PDZRN3: variants seen among roughly 807,000 people sequenced by gnomAD.
PDZRN3 encodes the protein E3 ubiquitin-protein ligase PDZRN3.
Under a neutral mutation model 85.7 loss-of-function variants are expected in PDZRN3, and 38 were observed. The ratio of observed to expected loss-of-function variants is 0.44; its 90% CI spans 0.34 to 0.58. PDZRN3 has a LOEUF of 0.58. Among genes scored for constraint, PDZRN3 ranks in the 20% least tolerant of loss-of-function variants. PDZRN3 has a pLI of 0.01. For missense variants in PDZRN3, 1,629 were observed against 1,506.4 expected (o/e 1.08, Z -1.35); for synonymous variants, 759 against 638.0 (o/e 1.19, Z -2.86).
At chr3:73,487,897 A>G (rs1475598375) in intron 3 of PDZRN3, among the ~76,000 whole-genome samples, 1 of 152,186 alleles carries the variant, frequency 6.6e-6, no homozygotes, top group African/African-American at 2.4e-5. Context: ...ACTCCCAGAA[A>G]CATCACCTAA....
intron 4 of PDZRN3, among the ~76,000 whole-genome samples, chr3:73,403,032 C>G (rs922345719): frequency 1.3e-5 from 2 of 151,280 alleles, no homozygotes; most frequent in Non-Finnish European, 2.9e-5. Flanking sequence ...CAAGCTCCGC[C>G]TCCCGGGTTC....
At position 73,602,456 on chromosome 3, in the gene PDZRN3, G is replaced by A; in HGVS notation, c.816C>T (p.Asn272=). 1 of 1,493,974 alleles carries A rather than the reference G, an allele frequency of 6.7e-7. No individual in the cohort carries two copies. The highest frequency in any genetic ancestry group is 9.0e-7 in the Non-Finnish European group (1 of 1,113,034). 92.5% of individuals were successfully genotyped at this position (1,493,974 alleles called of 1,614,324 possible). Residue 272 remains asparagine (N), a synonymous_variant, in exon 3 of 10, where the codon AAC becomes AAT. Coordinates refer to ENST00000263666, the MANE Select transcript of PDZRN3 (RefSeq NM_015009.3). ...NIIGGRPSVD[N]HDGSSSEGIF... ...TTCCTTCACTGGATGATCCATCGTGGTTATCCTTTGGGTTAAAAAAAAAAA... is the reference window on the plus strand; with the variant it reads ...TTCCTTCACTGGATGATCCATCGTGATTATCCTTTGGGTTAAAAAAAAAAA...
intron 3 of PDZRN3, among the ~76,000 whole-genome samples, chr3:73,579,266 C>A (rs985372002): frequency 6.6e-6 from 1 of 152,194 alleles, no homozygotes; most frequent in Non-Finnish European, 1.5e-5. Context: ...ATGTCAGCAC[C>A]TTGACCTTGA....
At chr3:73,462,807 T>C (rs1360098612) in intron 3 of PDZRN3, among the ~76,000 whole-genome samples, 1 of 152,148 alleles carries the variant, frequency 6.6e-6, no homozygotes, top group East Asian at 1.9e-4. Flanking sequence ...TTGCACACAT[T>C]AGCACATTTA....
intron 5 of PDZRN3, among the ~76,000 whole-genome samples, chr3:73,394,644 A>C (rs1701599929): frequency 6.6e-6 from 1 of 152,234 alleles, no homozygotes. Context: ...TGGATGTGAG[A>C]CAGGATGGTG....
intron 3 of PDZRN3, chr3:73,433,927 T>G: frequency 7.1e-7 from 1 of 1,417,238 alleles, no homozygotes; most frequent in Non-Finnish European, 9.2e-7. Flanking sequence ...TGCACGCGCG[T>G]GCACACACAC....
intron 3 of PDZRN3, among the ~76,000 whole-genome samples, chr3:73,564,374 T>C (rs980664826): frequency 6.6e-6 from 1 of 152,198 alleles, no homozygotes; most frequent in Admixed American, 6.5e-5. Context: ...CTGACAGCCA[T>C]GTGGCCTCAA....
chr3:73,426,793 G>A (rs950493457), intron 3 of PDZRN3, among the ~76,000 whole-genome samples: 29 of 152,056 alleles, frequency 1.9e-4, no homozygotes, highest in Admixed American at 3.3e-4. Flanking sequence ...GCTCTGGGGC[G>A]GGGCCTGAGA....
intron 3 of PDZRN3, among the ~76,000 whole-genome samples, chr3:73,439,750 A>AT (rs1056291907): frequency 6.6e-4 from 100 of 151,906 alleles, no homozygotes; most frequent in African/African-American, 2.3e-3. Context: ...ATTTTATTTT[A>AT]TTTTTTGAAA....
Position 73,388,083 on chromosome 3 carries a change from A to AAAT in PDZRN3, c.1417-15_1417-14insATT. The AAAT allele has an allele frequency of 1.1e-6, 1 of 908,180 alleles. No homozygotes were observed. Among genetic ancestry groups the AAAT allele is most frequent in the Non-Finnish European group, 1.7e-6 (1 of 588,938 alleles). 56.3% of individuals were successfully genotyped at this position (908,180 alleles called of 1,614,324 possible). On this transcript the variant is annotated splice_polypyrimidine_tract_variant and intron_variant, in intron 7 of 9. Coordinates refer to ENST00000263666, the MANE Select transcript of PDZRN3 (RefSeq NM_015009.3). ...TATCCCATTAATCTTTTAAAAAAAA[A>AAAT]GGGGGGGTGGGGAGAGTGGGGAGAC...
chr3:73,522,004 T>C (rs1341577254), intron 3 of PDZRN3, among the ~76,000 whole-genome samples: 2 of 152,210 alleles, frequency 1.3e-5, no homozygotes, highest in Non-Finnish European at 2.9e-5. Flanking sequence ...TTATAAGCTT[T>C]TCAGTGGTTG....
chr3:73,396,099 T>C (rs1170353040), intron 5 of PDZRN3, among the ~76,000 whole-genome samples: 2 of 152,150 alleles, frequency 1.3e-5, no homozygotes, highest in Non-Finnish European at 2.9e-5. Context: ...GGCACATACC[T>C]GTAATCCCAG....
In PDZRN3 at chr3:73,385,658, G is replaced by T; in HGVS notation, c.1635+11C>A. The stretch of plus-strand genomic sequence containing the variant: ...AGGGCAGAGTGTCAGGGACTGGTGC[G>T]TGGGCGTTACCTGCTGCAGCACGCT... On this transcript the variant is annotated intron_variant, in intron 9 of 9. Transcript: ENST00000263666. 2 of 1,522,672 alleles carry T rather than the reference G, an allele frequency of 1.3e-6. No homozygotes were observed. The highest frequency in any genetic ancestry group is 1.8e-6 in the Non-Finnish European group (2 of 1,098,064). The allele number at this position is 1,522,672 out of a possible 1,614,324, so 94.3% of individuals were successfully genotyped here. A position where few individuals can be genotyped will look rare whatever the true frequency, so the allele number is the denominator to read the frequency against.
intron 3 of PDZRN3, among the ~76,000 whole-genome samples, chr3:73,573,290 A>G (rs1702069865): frequency 6.6e-6 from 1 of 152,208 alleles, no homozygotes; most frequent in South Asian, 2.1e-4. Context: ...TTCTTGTTAC[A>G]GACTGTAGCA....
Position 73,383,460 on chromosome 3 carries a change from T to C in PDZRN3, c.3106A>G (p.Asn1036Asp). 1 of 1,614,186 alleles carries C rather than the reference T, an allele frequency of 6.2e-7. No homozygotes were observed. The highest frequency in any genetic ancestry group is 8.5e-7 in the Non-Finnish European group (1 of 1,180,032). ...MKKRNKKIFD[N>D]WMTIQELLTH... ...AAGAGTTCTTGGATCGTCATCCAGT[T>C]ATCGAAGATTTTCTTATTCCTCTTC... Residue 1036 changes from asparagine to aspartate, a missense_variant, in exon 10 of 10, where the codon AAC becomes GAC. Physicochemically the swap from Asn to Asp is conservative, Grantham distance 23 (BLOSUM62 1). Transcript: ENST00000263666.
chr3:73,424,392 A>AAAAAAAAAAAAAC (rs1702266380), intron 3 of PDZRN3, among the ~76,000 whole-genome samples: 1 of 141,950 alleles, frequency 7.0e-6, no homozygotes, highest in African/African-American at 2.8e-5. Context: ...AAAAAAAAAA[A>AAAAAAAAAAAAAC]TAGCTGAGTG....
intron 3 of PDZRN3, among the ~76,000 whole-genome samples, chr3:73,453,716 C>T (rs1179503686): frequency 2.6e-5 from 4 of 152,156 alleles, no homozygotes; most frequent in Admixed American, 1.3e-4. Context: ...CCAAAGAGAA[C>T]GCTTAATTCC....
At chr3:73,419,175 A>G (rs1702149515) in intron 3 of PDZRN3, among the ~76,000 whole-genome samples, 1 of 152,174 alleles carries the variant, frequency 6.6e-6, no homozygotes, top group African/African-American at 2.4e-5. Flanking sequence ...TCCAAACAAA[A>G]CACTTGATAA....
At chr3:73,560,734 T>C (rs1379616867) in intron 3 of PDZRN3, among the ~76,000 whole-genome samples, 1 of 152,240 alleles carries the variant, frequency 6.6e-6, no homozygotes, top group Admixed American at 6.5e-5. Context: ...ATGGAGATTT[T>C]AGAACACAGA....
Sources: allele counts gnomAD v4.1 joint callset (sites outside exome capture counted in the v4.1 genomes callset), GRCh38; gene constraint gnomAD v4.1.1; transcripts MANE v1.5; gene names NCBI Gene and HGNC (gene_info 2026-07-23, HGNC 2026-07-21).